Variants in TRAPPC9 observed in about 807,000 individuals in gnomAD.
TRAPPC9 encodes IKK2 binding protein.
In TRAPPC9, 83 loss-of-function variants were observed where a neutral mutation model predicts 124.0. The observed-to-expected ratio is 0.67, with a 90% confidence interval of 0.56 to 0.80. The LOEUF (loss-of-function observed/expected upper bound fraction) is 0.80. Among genes scored for constraint, TRAPPC9 ranks in the 30% least tolerant of loss-of-function variants. TRAPPC9 has a pLI of 0.00. For synonymous variants in TRAPPC9, 638 were observed against 617.5 expected (o/e 1.03, Z -0.49); for missense variants, 1,302 against 1,508.3 (o/e 0.86, Z 2.27).
At chr8:140,061,513 G>C (rs564699284) in intron 17 of TRAPPC9, among the ~76,000 whole-genome samples, 1 of 152,312 alleles carries the variant, frequency 6.6e-6, no homozygotes, top group Admixed American at 6.5e-5. Flanking sequence ...ACAGAGCCAT[G>C]TCCGCTCTGA....
At chr8:140,443,429 C>G (rs1018416374) in intron 2 of TRAPPC9, among the ~76,000 whole-genome samples, 75 of 151,200 alleles carry the variant, frequency 5.0e-4, no homozygotes, top group Non-Finnish European at 2.4e-4. Flanking sequence ...GAGCAAGACT[C>G]CATCTCAAAA....
intron 17 of TRAPPC9, among the ~76,000 whole-genome samples, chr8:140,196,984 T>C (rs1169655492): frequency 1.3e-5 from 2 of 152,230 alleles, no homozygotes; most frequent in African/African-American, 4.8e-5. Flanking sequence ...ATTTTATCTT[T>C]TATATCCACA....
chr8:139,857,622 T>C (rs549412924), intron 21 of TRAPPC9, among the ~76,000 whole-genome samples: 1 of 152,254 alleles, frequency 6.6e-6, no homozygotes, highest in African/African-American at 2.4e-5. Flanking sequence ...AGGAGCTCCG[T>C]ATGGTGCCCT....
chr8:139,924,567 C>T (rs74736657), intron 19 of TRAPPC9, among the ~76,000 whole-genome samples: 5,295 of 152,298 alleles, frequency 0.035, 220 homozygotes, highest in African/African-American at 0.1. Flanking sequence ...ATTCCAGCCA[C>T]CAGGAAGCCC....
intron 21 of TRAPPC9, among the ~76,000 whole-genome samples, chr8:139,858,378 G>A (rs1473148082): frequency 6.6e-6 from 1 of 152,212 alleles, no homozygotes; most frequent in African/African-American, 2.4e-5. Context: ...CGGGGCCTCC[G>A]CCCAGCTGCT....
At chr8:139,946,762 C>T (rs1038945490) in intron 19 of TRAPPC9, among the ~76,000 whole-genome samples, 64 of 151,142 alleles carry the variant, frequency 4.2e-4, no homozygotes, top group Non-Finnish European at 8.5e-4. Context: ...GGGTGGATCA[C>T]GAGGTCAGGA....
At chr8:140,384,526 A>G (rs2068701508) in intron 7 of TRAPPC9, among the ~76,000 whole-genome samples, 1 of 152,232 alleles carries the variant, frequency 6.6e-6, no homozygotes, top group South Asian at 2.1e-4. Flanking sequence ...CTCTGATAAA[A>G]CAGACTTTAA....
chr8:140,314,813 A>G (rs941143872), intron 9 of TRAPPC9, among the ~76,000 whole-genome samples: 1 of 152,172 alleles, frequency 6.6e-6, no homozygotes, highest in Non-Finnish European at 1.5e-5. Context: ...CTGTGTATCT[A>G]TATCACATTT....
intron 17 of TRAPPC9, among the ~76,000 whole-genome samples, chr8:140,132,222 G>A (rs924285784): frequency 8.5e-5 from 13 of 152,268 alleles, no homozygotes; most frequent in Middle Eastern, 3.4e-3. Flanking sequence ...CCGTCCAAAG[G>A]CTGCAGAAGT....
At chr8:139,942,744 C>G (rs1163658412) in intron 19 of TRAPPC9, among the ~76,000 whole-genome samples, 1 of 152,160 alleles carries the variant, frequency 6.6e-6, no homozygotes, top group Non-Finnish European at 1.5e-5. Flanking sequence ...AACCACGGTG[C>G]CAGGTACCCT....
rs71520259 is a variant in TRAPPC9 at position 140,179,993 on chromosome 8, A to ATTTTTTTTTTTT, written c.2556+41454_2556+41465dup. Among the ~76,000 whole-genome samples, 173 of 90,034 alleles carry ATTTTTTTTTTTT rather than the reference A, an allele frequency of 1.9e-3. 7 individuals are homozygous for ATTTTTTTTTTTT. The highest frequency in any genetic ancestry group is 8.2e-3 in the East Asian group (17 of 2,078). The allele number at this position is 90,034 out of a possible 152,430, so 59.1% of individuals were successfully genotyped here. A position where few individuals can be genotyped will look rare whatever the true frequency, so the allele number is the denominator to read the frequency against. On this transcript the variant is annotated intron_variant, in intron 17 of 22. Transcript: ENST00000438773. ...ATAAACAATTTATAGTTATATCTTG[A>ATTTTTTTTTTTT]TTTTTTTTTTTTTTTTTTTTTGGCC...
At position 139,915,987 on chromosome 8, in the gene TRAPPC9, T is replaced by C. The variant is rs78241748; in HGVS notation, c.2811-5687A>G. Among the ~76,000 whole-genome samples, 697 of 152,294 alleles carry C rather than the reference T, an allele frequency of 4.6e-3. 6 individuals are homozygous for C. Among genetic ancestry groups the C allele is most frequent in the African/African-American group, 0.016 (671 of 41,552 alleles). ...CTCTCTAGAGATTCGCTAAAGGGAATAGACTTAAATCCTAGATGGAGGAAA... is the reference window on the plus strand; with the variant it reads ...CTCTCTAGAGATTCGCTAAAGGGAACAGACTTAAATCCTAGATGGAGGAAA... On this transcript the variant is annotated intron_variant, in intron 19 of 22. Coordinates refer to ENST00000438773, the MANE Select transcript of TRAPPC9 (RefSeq NM_001160372.4).
chr8:140,184,955 A>T (rs1426467614), intron 17 of TRAPPC9, among the ~76,000 whole-genome samples: 3 of 152,216 alleles, frequency 2.0e-5, no homozygotes, highest in Non-Finnish European at 4.4e-5. Flanking sequence ...AGATTTGCAA[A>T]GAAGCAATAA....
At chr8:139,787,169 C>T (rs1197752011) in intron 21 of TRAPPC9, among the ~76,000 whole-genome samples, 3 of 152,110 alleles carry the variant, frequency 2.0e-5, no homozygotes, top group African/African-American at 4.8e-5. Flanking sequence ...AGCTGACGGG[C>T]GTGAGTGAGT....
intron 18 of TRAPPC9, among the ~76,000 whole-genome samples, chr8:139,998,725 AAAAT>A (rs571314138): frequency 6.6e-6 from 1 of 152,194 alleles, no homozygotes; most frequent in African/African-American, 2.4e-5. Context: ...CCGTCTCAAA[AAAAT>A]AAATAAATAA....
At chr8:139,986,969 A>G (rs1837274597) in intron 19 of TRAPPC9, among the ~76,000 whole-genome samples, 1 of 152,190 alleles carries the variant, frequency 6.6e-6, no homozygotes, top group African/African-American at 2.4e-5. Context: ...AAAAGCCGCA[A>G]TTACTTTTGC....
chr8:139,750,691 CA>C (rs1819253732), intron 21 of TRAPPC9, among the ~76,000 whole-genome samples: 1 of 152,204 alleles, frequency 6.6e-6, no homozygotes, highest in African/African-American at 2.4e-5. Flanking sequence ...ATGAGCTTTC[CA>C]GCACGGAGGG....
At chr8:140,271,535 GAGAAACAGAGAT>G (rs2064881559) in intron 15 of TRAPPC9, among the ~76,000 whole-genome samples, 1 of 152,058 alleles carries the variant, frequency 6.6e-6, no homozygotes, top group Non-Finnish European at 1.5e-5. Context: ...GAAGGGGAGG[GAGAAACAGAGAT>G]AGAGACAGAG....
chr8:140,397,314 G>A (rs2069123874), intron 7 of TRAPPC9, among the ~76,000 whole-genome samples: 1 of 152,126 alleles, frequency 6.6e-6, no homozygotes, highest in Non-Finnish European at 1.5e-5. Flanking sequence ...CTTCATGAGT[G>A]ACAATATCAA....
Sources: allele counts gnomAD v4.1 joint callset (sites outside exome capture counted in the v4.1 genomes callset), GRCh38; gene constraint gnomAD v4.1.1; transcripts MANE v1.5; gene names NCBI Gene and HGNC (gene_info 2026-07-23, HGNC 2026-07-21).